MRE11: variants seen among roughly 807,000 people sequenced by gnomAD.
MRE11 encodes the protein MRE11 double strand break repair nuclease.
Under a neutral mutation model 91.7 loss-of-function variants are expected in MRE11, and 62 were observed. That is an observed-to-expected ratio of 0.68 (90% confidence interval 0.55 to 0.84). The LOEUF is 0.84. Ranked by LOEUF, MRE11 falls within the 40% of genes least tolerant of loss-of-function variation. The pLI is 0.00. For synonymous variants in MRE11, 273 were observed against 271.4 expected (o/e 1.01, Z -0.06); for missense variants, 796 against 852.9 (o/e 0.93, Z 0.83).
rs765215509 is a variant in MRE11 at position 94,470,639 on chromosome 11, A to T, written c.849T>A (p.His283Gln). ...SLSPGEAVKK[H>Q]VGLLRIKGRK... Reference sequence around the variant, plus strand: ...TCCCTTTAATACGCAGCAAACCAACATGTCTGAAGTGGAGAGAAATGAACA... The same window carrying T: ...TCCCTTTAATACGCAGCAAACCAACTTGTCTGAAGTGGAGAGAAATGAACA... Residue 283 changes from histidine (H) to glutamine (Q), a missense_variant, in exon 9 of 20, where the codon CAT becomes CAA. Physicochemically the swap from His to Gln is conservative, Grantham distance 24. Transcript: ENST00000323929. 1 of 1,612,876 alleles carries T rather than the reference A, an allele frequency of 6.2e-7. No homozygotes were observed. Among genetic ancestry groups the T allele is most frequent in the Non-Finnish European group, 8.5e-7 (1 of 1,179,120 alleles).
At chr11:94,507,186 T>C in the MRE11 span, among the ~76,000 whole-genome samples, 1 of 152,210 alleles carries the variant, frequency 6.6e-6, no homozygotes, top group East Asian at 1.9e-4. Context: ...AACTTTTATT[T>C]CCATCATTTA....
intron 6 of MRE11, among the ~76,000 whole-genome samples, chr11:94,476,921 C>T (rs1054605567): frequency 6.6e-6 from 1 of 151,678 alleles, no homozygotes; most frequent in Admixed American, 6.6e-5. Flanking sequence ...GGTTTTGCCA[C>T]GTTGGACAGG....
In MRE11 at chr11:94,419,783, A is replaced by T. The variant is rs1252582948; in HGVS notation, c.*342T>A. ...CCCAGAACCTCTAGGAAATTACTAA[A>T]ATTATGAAGAAGTTAAATTTTATAA... On this transcript the variant is annotated 3_prime_UTR_variant, in exon 20 of 20. Coordinates refer to ENST00000323929, the MANE Select transcript of MRE11 (RefSeq NM_005591.4). The T allele has an allele frequency of 4.0e-6, 1 of 249,220 alleles. No homozygotes were observed. The highest frequency in any genetic ancestry group is 2.2e-5 in the African/African-American group (1 of 45,598). The allele number at this position is 249,220 out of a possible 1,614,324, so 15.4% of individuals were successfully genotyped here.
chr11:94,422,506 A>G (rs1243984456), intron 19 of MRE11, among the ~76,000 whole-genome samples: 1 of 152,014 alleles, frequency 6.6e-6, no homozygotes, highest in Non-Finnish European at 1.5e-5. Context: ...CATCATCATC[A>G]TCATCATTTC....
At chr11:94,501,928 G>GT in the MRE11 span, among the ~76,000 whole-genome samples, 1 of 151,778 alleles carries the variant, frequency 6.6e-6, no homozygotes, top group African/African-American at 2.4e-5. Flanking sequence ...AAATCATATT[G>GT]TTTTTTTAAA....
chr11:94,443,052 G>T (rs900622581), intron 16 of MRE11, among the ~76,000 whole-genome samples: 2 of 152,168 alleles, frequency 1.3e-5, no homozygotes, highest in African/African-American at 4.8e-5. Flanking sequence ...TTTTTGTAAG[G>T]TTTAAGAGTC....
chr11:94,490,925 T>C lies in MRE11; in HGVS notation c.61A>G (p.Ile21Val). Residue 21 changes from isoleucine (I) to valine (V), a missense_variant, in exon 3 of 20, where the codon ATT becomes GTT. Ile to Val is a conservative substitution (Grantham distance 29). Transcript: ENST00000323929. ...TCTTTCTCCATAAATCCAAGATGAATATCTGTTGCAACTAATATTTTAAAT... is the reference window on the plus strand; with the variant it reads ...TCTTTCTCCATAAATCCAAGATGAACATCTGTTGCAACTAATATTTTAAAT... ...NTFKILVATD[I>V]HLGFMEKDAV... 6.4e-7 allele frequency: 1 copy of C among 1,557,430 alleles called. No individual in the cohort carries two copies. The highest frequency in any genetic ancestry group is 8.9e-7 in the Non-Finnish European group (1 of 1,129,094).
chr11:94,508,219 T>C, the MRE11 span, among the ~76,000 whole-genome samples: 1 of 152,212 alleles, frequency 6.6e-6, no homozygotes, highest in Non-Finnish European at 1.5e-5. Context: ...AGTGCTGGTA[T>C]TACAGGCATG....
chr11:94,472,182 T>C (rs568850142), intron 7 of MRE11, among the ~76,000 whole-genome samples: 1 of 152,242 alleles, frequency 6.6e-6, no homozygotes, highest in East Asian at 1.9e-4. Flanking sequence ...ATTATCTTTT[T>C]ACTAATAAAT....
intron 14 of MRE11, among the ~76,000 whole-genome samples, chr11:94,454,188 T>G (rs981266470): frequency 1.3e-5 from 2 of 151,684 alleles, no homozygotes; most frequent in Non-Finnish European, 2.9e-5. Context: ...ATCCTCCCAG[T>G]TAAGTCTCCT....
intron 15 of MRE11, among the ~76,000 whole-genome samples, chr11:94,446,399 C>T (rs1945933109): frequency 6.6e-6 from 1 of 151,932 alleles, no homozygotes; most frequent in Admixed American, 6.6e-5. Context: ...AGAGCAAAGA[C>T]AAGACTCCAT....
At chr11:94,495,996 A>C (rs1411722868), upstream of MRE11, among the ~76,000 whole-genome samples, 1 of 152,224 alleles carries the variant, frequency 6.6e-6, no homozygotes, top group African/African-American at 2.4e-5. Flanking sequence ...ACAAGGACCC[A>C]ACTAAGAACT....
chr11:94,475,650 T>C (rs932776319), intron 7 of MRE11: 1 of 455,678 alleles, frequency 2.2e-6, no homozygotes, highest in Admixed American at 2.4e-5. Context: ...TTAAAACTAC[T>C]AACAAAAGAA....
chr11:94,500,800 CA>C, the MRE11 span, among the ~76,000 whole-genome samples: 6 of 152,070 alleles, frequency 3.9e-5, no homozygotes, highest in Non-Finnish European at 7.4e-5. Context: ...AATCTGAAGA[CA>C]TTTATTTGTA....
At chr11:94,427,435 C>T (rs1030373358) in intron 19 of MRE11, among the ~76,000 whole-genome samples, 21 of 152,114 alleles carry the variant, frequency 1.4e-4, no homozygotes, top group African/African-American at 5.1e-4. Context: ...CAACCAACAT[C>T]ATGCTGAACA....
intron 19 of MRE11, among the ~76,000 whole-genome samples, chr11:94,423,225 T>A (rs1002663127): frequency 6.6e-6 from 1 of 151,800 alleles, no homozygotes; most frequent in Non-Finnish European, 1.5e-5. Flanking sequence ...CTTGTGGGGG[T>A]TGCCCAATGC....
intron 14 of MRE11, among the ~76,000 whole-genome samples, chr11:94,455,880 A>T (rs902260656): frequency 6.6e-6 from 1 of 152,142 alleles, no homozygotes; most frequent in African/African-American, 2.4e-5. Flanking sequence ...ATACAATTAA[A>T]TGGGTTTTAT....
At chr11:94,462,728 T>G (rs577571156) in intron 11 of MRE11, among the ~76,000 whole-genome samples, 1 of 152,220 alleles carries the variant, frequency 6.6e-6, no homozygotes, top group Non-Finnish European at 1.5e-5. Context: ...GCTAGCCATA[T>G]GTAGAAAGCT....
In MRE11 at chr11:94,442,979, A is replaced by C. The variant is rs142977507; in HGVS notation, c.1867+2831T>G. On this transcript the variant is annotated intron_variant, in intron 16 of 19. Coordinates refer to ENST00000323929, the MANE Select transcript of MRE11 (RefSeq NM_005591.4). Reference sequence around the variant, plus strand: ...AACATGTTTGTGAAGCAAAAAGCTAAGGATCTTAGCTAGCTCTTCTGAAGT... The same window carrying C: ...AACATGTTTGTGAAGCAAAAAGCTACGGATCTTAGCTAGCTCTTCTGAAGT... Among the ~76,000 whole-genome samples the C allele has an allele frequency of 5.3e-5, 8 of 152,354 alleles. No homozygotes were observed. The East Asian group carries it at 1.3e-3, about 26-fold the overall frequency.
Sources: allele counts gnomAD v4.1 joint callset (sites outside exome capture counted in the v4.1 genomes callset), GRCh38; gene constraint gnomAD v4.1.1; transcripts MANE v1.5; gene names NCBI Gene and HGNC (gene_info 2026-07-23, HGNC 2026-07-21).